Variants in DNAH14 observed in about 807,000 individuals in gnomAD.
DNAH14 encodes the protein axonemal beta dynein heavy chain 14.
DNAH14 carries 478 observed loss-of-function variants against 520.9 expected under a neutral mutation model. The ratio of observed to expected loss-of-function variants is 0.92; its 90% CI spans 0.85 to 0.99. The LOEUF is 0.99. Ranked by LOEUF, DNAH14 falls within the 50% of genes least tolerant of loss-of-function variation. The probability of loss-of-function intolerance (pLI) is 0.00; values close to 1 mark genes in which losing one functional copy is unlikely to be tolerated. For missense variants in DNAH14, 4,831 were observed against 5,234.5 expected (o/e 0.92, Z 2.38); for synonymous variants, 1,581 against 1,757.2 (o/e 0.90, Z 2.51).
intron 54 of DNAH14, among the ~76,000 whole-genome samples, chr1:225,281,220 G>A (rs1332736543): frequency 6.6e-6 from 1 of 152,182 alleles, no homozygotes; most frequent in Non-Finnish European, 1.5e-5. Context: ...CTCTAAGGGA[G>A]AATCTGTTCC....
chr1:225,166,163 C>T (rs964490817), intron 35 of DNAH14, among the ~76,000 whole-genome samples: 3 of 152,058 alleles, frequency 2.0e-5, no homozygotes, highest in African/African-American at 4.8e-5. Context: ...GTTTTGGGTG[C>T]CTCTTGTGCT....
intron 43 of DNAH14, among the ~76,000 whole-genome samples, chr1:225,250,343 G>A (rs1422235407): frequency 6.6e-6 from 1 of 152,178 alleles, no homozygotes; most frequent in Non-Finnish European, 1.5e-5. Flanking sequence ...AACTAATGAT[G>A]TATAATAAGG....
At chr1:225,266,566 C>A in intron 48 of DNAH14, 75 bp from the exon 49 acceptor site, 1 of 1,169,122 alleles carries the variant, frequency 8.6e-7, no homozygotes, top group Non-Finnish European at 1.1e-6. Flanking sequence ...CTTACCCCAA[C>A]CATAATATTC....
In DNAH14 at chr1:225,088,558, A is replaced by G. The variant is rs113885612; in HGVS notation, c.3573+2769A>G. Among the ~76,000 whole-genome samples, 587 of 152,284 alleles carry G rather than the reference A, an allele frequency of 3.9e-3. 5 individuals carry two copies. The highest frequency in any genetic ancestry group is 0.013 in the African/African-American group (555 of 41,572). On this transcript the variant is annotated intron_variant, in intron 21 of 85. Coordinates refer to ENST00000682510, the MANE Select transcript of DNAH14 (RefSeq NM_001367479.1). ...GCTTCAGACAACCTACTAGACAAAT[A>G]ATTGGAGTTCCCCAAGAGGAGGAGT...
intron 17 of DNAH14, among the ~76,000 whole-genome samples, chr1:225,068,086 A>G (rs556297630): frequency 1.3e-5 from 2 of 152,284 alleles, no homozygotes; most frequent in East Asian, 3.9e-4. Flanking sequence ...TTGGGGTTTT[A>G]CATTTAAGTC....
intron 26 of DNAH14, among the ~76,000 whole-genome samples, chr1:225,120,833 T>C (rs1018802638): frequency 6.6e-5 from 10 of 152,328 alleles, no homozygotes; most frequent in South Asian, 2.1e-4. Flanking sequence ...TCAATTGTTG[T>C]CCTGGGATTT....
chr1:225,068,843 G>GCCA (rs1572845783), intron 17 of DNAH14, among the ~76,000 whole-genome samples: 469 of 36,626 alleles, frequency 0.013, 185 homozygotes, highest in Middle Eastern at 0.027. Flanking sequence ...AAGCTTTTGG[G>GCCA]AGGCCGAGGC....
At chr1:225,013,331 C>A (rs2064952743) in intron 10 of DNAH14, among the ~76,000 whole-genome samples, 1 of 151,490 alleles carries the variant, frequency 6.6e-6, no homozygotes, top group Admixed American at 6.5e-5. Context: ...CCTGCTCCTT[C>A]CTCTGGAAGC....
rs775049047 is a variant in DNAH14 at position 225,089,464 on chromosome 1, A to AAAAAAAAAAAG, written c.3573+3676_3573+3677insAAAAAAAAAGA. 5.9e-4 allele frequency among the ~76,000 whole-genome samples: 81 copies of AAAAAAAAAAAG among 138,368 alleles called. 1 individual carries two copies. Among genetic ancestry groups the AAAAAAAAAAAG allele is most frequent in the Middle Eastern group, 7.3e-3 (2 of 274 alleles). The allele number at this position is 138,368 out of a possible 152,430, so 90.8% of individuals were successfully genotyped here. ...CGTCAAAAAAAAAAAAAAAAAAAAA[A>AAAAAAAAAAAG]AGAGAGCGAGAGAAAGAAAAGAAAA... is the stretch of plus-strand genomic sequence containing the variant. On this transcript the variant is annotated intron_variant, in intron 21 of 85. Coordinates refer to ENST00000682510, the MANE Select transcript of DNAH14 (RefSeq NM_001367479.1).
chr1:225,052,474 A>G (rs1252454321), intron 17 of DNAH14, among the ~76,000 whole-genome samples: 1 of 152,222 alleles, frequency 6.6e-6, no homozygotes, highest in Non-Finnish European at 1.5e-5. Context: ...CGAACTTATA[A>G]TAATACCTAC....
rs553387114 is a variant in DNAH14 at position 225,043,359 on chromosome 1, G to A, written c.1768+245G>A. ...AAATGAGAGATCATTTTAATAGTCT[G>A]TTGTGTCTTCTAATTTATAGATTAT... On this transcript the variant is annotated intron_variant, in intron 13 of 85. Coordinates refer to ENST00000682510, the MANE Select transcript of DNAH14 (RefSeq NM_001367479.1). Among the ~76,000 whole-genome samples, 14 of 151,258 alleles carry A rather than the reference G, an allele frequency of 9.3e-5. No homozygotes were observed. The South Asian group carries it at 2.7e-3, about 29-fold the overall frequency.
rs2095941712 is a variant in DNAH14, at chr1:225,393,011, C to G, written c.13491+560C>G. Among the ~76,000 whole-genome samples the G allele has an allele frequency of 2.0e-5, 3 of 152,208 alleles. No homozygotes were observed. The South Asian group carries it at 6.2e-4, about 32-fold the overall frequency. ...CCACTGTCCCCACTGATTTGAAGGG[C>G]CACAGCTGTCATTTTCTAAATTCCA... On this transcript the variant is annotated intron_variant, in intron 84 of 85. Transcript: ENST00000682510.
In DNAH14 at chr1:225,289,958, G is replaced by A. The variant is rs755214363; in HGVS notation, c.8345G>A (p.Arg2782Gln). 7.2e-6 allele frequency: 11 copies of A among 1,538,368 alleles called. No individual in the cohort carries two copies. The highest frequency in any genetic ancestry group is 2.8e-5 in the African/African-American group (2 of 72,654). Reference protein sequence around the residue: ...ACYLTDNKLYRVPISHKCAYI... With the variant: ...ACYLTDNKLYQVPISHKCAYI... The stretch of plus-strand genomic sequence containing the variant: ...TATTTGACAGATAATAAACTATACC[G>A]AGTGCCTATATCTCACAAATGTGCC... The change falls in exon 55 of 86, where the codon CGA becomes CAA. Residue 2782 changes from arginine (R) to glutamine (Q), a missense_variant. Physicochemically the swap from Arg to Gln is conservative, Grantham distance 43. Transcript: ENST00000682510.
At chr1:225,322,882 ACCAC>A in intron 62 of DNAH14, 59 bp downstream of exon 62, 1 of 1,400,002 alleles carries the variant, frequency 7.1e-7, no homozygotes, top group Non-Finnish European at 9.6e-7. Flanking sequence ...GATCAAACAG[ACCAC>A]CTGCCATCTA....
intron 1 of DNAH14, among the ~76,000 whole-genome samples, chr1:224,934,490 TAAAGA>T (rs1257932725): frequency 6.7e-6 from 1 of 150,108 alleles, no homozygotes; most frequent in East Asian, 2.0e-4. Flanking sequence ...TCAGAAAAAA[TAAAGA>T]AAAAAGTATA....
At chr1:225,391,474 C>CAATA (rs2095912447) in intron 83 of DNAH14, among the ~76,000 whole-genome samples, 1 of 152,176 alleles carries the variant, frequency 6.6e-6, no homozygotes, top group East Asian at 1.9e-4. Flanking sequence ...CCTGTCTTAT[C>CAATA]AATAAATAAA....
At chr1:225,349,469 A>C (rs2095334020) in intron 71 of DNAH14, among the ~76,000 whole-genome samples, 1 of 152,180 alleles carries the variant, frequency 6.6e-6, no homozygotes, top group Non-Finnish European at 1.5e-5. Context: ...AATTACTTTA[A>C]ATTTAAATGG....
At position 225,360,781 on chromosome 1, in the gene DNAH14, A is replaced by G. The variant is rs1404632883; in HGVS notation, c.11877A>G (p.Lys3959=). 4 of 1,551,640 alleles carry G rather than the reference A, an allele frequency of 2.6e-6. No homozygotes were observed. Among genetic ancestry groups the G allele is most frequent in the Non-Finnish European group, 3.5e-6 (4 of 1,147,002 alleles). The change falls in exon 75 of 86, where the codon AAA becomes AAG. Residue 3959 remains lysine, a synonymous_variant. Transcript: ENST00000682510. ...IISLGRDQAA[K]AEDLILKALT... ...CTCTGGGCCGTGACCAAGCAGCTAAAGCTGAAGACCTCATTTTAAAGGCAC... is the reference window on the plus strand; with the variant it reads ...CTCTGGGCCGTGACCAAGCAGCTAAGGCTGAAGACCTCATTTTAAAGGCAC...
intron 41 of DNAH14, among the ~76,000 whole-genome samples, chr1:225,218,312 A>G (rs148851526): frequency 0.011 from 1,626 of 152,266 alleles, 35 homozygotes; most frequent in African/African-American, 0.034. Context: ...AACAATATTA[A>G]CCTTAAATGT....
Sources: gnomAD v4.1 joint callset for allele counts (sites outside exome capture counted in the v4.1 genomes callset) on GRCh38, gnomAD v4.1.1 for gene constraint, MANE v1.5 for transcripts, NCBI Gene and HGNC (gene_info 2026-07-23, HGNC 2026-07-21) for gene names.